ARHGAP24: variants seen among roughly 807,000 people sequenced by gnomAD.
ARHGAP24 encodes Rho GTPase activating protein 24.
In ARHGAP24, 50 loss-of-function variants were observed where a neutral mutation model predicts 76.4. That is an observed-to-expected ratio of 0.65 (90% CI 0.52 to 0.83). ARHGAP24 has a LOEUF of 0.83. ARHGAP24 is among the 40% of genes least tolerant of loss of function. ARHGAP24 has a pLI of 0.00. For synonymous variants in ARHGAP24, 345 were observed against 323.3 expected, an observed-to-expected ratio of 1.07 and a Z score of -0.72; for missense variants, 930 against 914.2, an observed-to-expected ratio of 1.02 and a Z score of -0.22.
intron 3 of ARHGAP24, among the ~76,000 whole-genome samples, chr4:85,743,774 G>A (rs1725922829): frequency 6.6e-6 from 1 of 150,806 alleles, no homozygotes; most frequent in African/African-American, 2.4e-5. Flanking sequence ...CTCATTCAAG[G>A]AAACACGCCA....
chr4:85,894,480 G>A (rs952820939), intron 3 of ARHGAP24, among the ~76,000 whole-genome samples: 3 of 152,128 alleles, frequency 2.0e-5, no homozygotes, highest in Non-Finnish European at 2.9e-5. Context: ...TGTTGCTCTT[G>A]TTCTTTGAAG....
intron 3 of ARHGAP24, among the ~76,000 whole-genome samples, chr4:85,849,795 A>G (rs1191769273): frequency 6.6e-6 from 1 of 152,052 alleles, no homozygotes. Flanking sequence ...CCAGGGGTGA[A>G]GCCCACTTGA....
intron 2 of ARHGAP24, among the ~76,000 whole-genome samples, chr4:85,701,110 A>G (rs1724069525): frequency 6.6e-6 from 1 of 152,174 alleles, no homozygotes; most frequent in African/African-American, 2.4e-5. Context: ...TTTTTAAAGA[A>G]AAGGTTTATA....
chr4:85,627,820 CT>C (rs1043659691), intron 2 of ARHGAP24, among the ~76,000 whole-genome samples: 7 of 152,212 alleles, frequency 4.6e-5, no homozygotes, highest in African/African-American at 1.7e-4. Context: ...GCAGTTTGAT[CT>C]TGGACTGCTG....
intron 5 of ARHGAP24, among the ~76,000 whole-genome samples, chr4:85,954,768 G>A (rs1267485132): frequency 6.6e-6 from 1 of 152,224 alleles, no homozygotes; most frequent in African/African-American, 2.4e-5. Context: ...AGCACTTTGG[G>A]AGGCCAAGGC....
At chr4:85,954,532 C>A (rs1401227990) in intron 5 of ARHGAP24, among the ~76,000 whole-genome samples, 1 of 152,220 alleles carries the variant, frequency 6.6e-6, no homozygotes, top group Non-Finnish European at 1.5e-5. Context: ...AAGAGAATAT[C>A]CTAATACCTA....
chr4:85,845,761 A>G (rs1449664353), intron 3 of ARHGAP24, among the ~76,000 whole-genome samples: 1 of 152,186 alleles, frequency 6.6e-6, no homozygotes, highest in African/African-American at 2.4e-5. Flanking sequence ...AAAGTAAAAT[A>G]ATCATAGCTA....
At chr4:85,941,568 A>C (rs1431237889) in intron 4 of ARHGAP24, among the ~76,000 whole-genome samples, 1 of 152,230 alleles carries the variant, frequency 6.6e-6, no homozygotes, top group Admixed American at 6.5e-5. Flanking sequence ...TCCTGGTTTT[A>C]TCACCATGAT....
chr4:85,845,561 G>A (rs541960219), intron 3 of ARHGAP24, among the ~76,000 whole-genome samples: 4 of 152,170 alleles, frequency 2.6e-5, no homozygotes, highest in Admixed American at 2.6e-4. Flanking sequence ...GCCTTCCCAG[G>A]ATTTTTCCCT....
chr4:85,967,761 G>A (rs964839250), intron 5 of ARHGAP24, among the ~76,000 whole-genome samples: 22 of 152,058 alleles, frequency 1.4e-4, no homozygotes, highest in African/African-American at 4.6e-4. Context: ...ATGACTTTAC[G>A]TTAGCAAATA....
At chr4:85,649,047 G>A (rs1006193906) in intron 2 of ARHGAP24, among the ~76,000 whole-genome samples, 4 of 151,372 alleles carry the variant, frequency 2.6e-5, no homozygotes, top group African/African-American at 9.8e-5. Flanking sequence ...TTGTGTGTGT[G>A]TGCTTATATT....
At chr4:85,524,912 G>T (rs1724920763) in intron 1 of ARHGAP24, among the ~76,000 whole-genome samples, 1 of 152,150 alleles carries the variant, frequency 6.6e-6, no homozygotes, top group Admixed American at 6.6e-5. Flanking sequence ...CCCAACAAAT[G>T]GGAGAGGGAT....
chr4:85,897,058 C>A (rs531224624), intron 3 of ARHGAP24, among the ~76,000 whole-genome samples: 2 of 152,146 alleles, frequency 1.3e-5, no homozygotes, highest in African/African-American at 2.4e-5. Context: ...GTACTGCCCA[C>A]TACAACCACA....
chr4:85,530,805 T>C (rs1725227550), intron 1 of ARHGAP24, among the ~76,000 whole-genome samples: 2 of 152,024 alleles, frequency 1.3e-5, no homozygotes, highest in African/African-American at 4.8e-5. Flanking sequence ...CCCTAGGAAA[T>C]TCATTCTCAA....
chr4:85,660,328 T>G (rs1330456440), intron 2 of ARHGAP24, among the ~76,000 whole-genome samples: 1 of 152,150 alleles, frequency 6.6e-6, no homozygotes, highest in East Asian at 1.9e-4. Context: ...CAAAATGACT[T>G]TCTTTTTTTC....
intron 1 of ARHGAP24, among the ~76,000 whole-genome samples, chr4:85,517,217 T>C (rs1724543898): frequency 1.3e-5 from 2 of 152,200 alleles, no homozygotes. Context: ...GTTAGCTCAT[T>C]CACCATTATA....
chr4:85,834,401 A>G (rs1402302519), intron 3 of ARHGAP24, among the ~76,000 whole-genome samples: 1 of 152,228 alleles, frequency 6.6e-6, no homozygotes, highest in Non-Finnish European at 1.5e-5. Context: ...AGAATATTTT[A>G]AAACACCTCC....
intron 1 of ARHGAP24, among the ~76,000 whole-genome samples, chr4:85,564,930 A>ATG (rs1174504886): frequency 1.3e-5 from 1 of 75,520 alleles, no homozygotes; most frequent in African/African-American, 9.5e-5. Context: ...CACGGTATAT[A>ATG]TATATATATA....
intron 3 of ARHGAP24, among the ~76,000 whole-genome samples, chr4:85,862,301 G>A (rs948092757): frequency 6.6e-6 from 1 of 152,036 alleles, no homozygotes; most frequent in Non-Finnish European, 1.5e-5. Flanking sequence ...GCAAAAAAAG[G>A]GAAATGATGT....
Sources: gnomAD v4.1 joint callset for allele counts (sites outside exome capture counted in the v4.1 genomes callset) on GRCh38, gnomAD v4.1.1 for gene constraint, MANE v1.5 for transcripts, NCBI Gene and HGNC (gene_info 2026-07-23, HGNC 2026-07-21) for gene names.